DNAH17: variants seen among roughly 807,000 people sequenced by gnomAD.
DNAH17 encodes axonemal beta dynein heavy chain 17.
DNAH17 carries 376 observed loss-of-function variants against 485.6 expected under a neutral mutation model. The observed-to-expected ratio is 0.77, with a 90% CI of 0.71 to 0.84. The LOEUF (loss-of-function observed/expected upper bound fraction) is 0.84, where lower values mean the gene tolerates loss of function less well. Among genes scored for constraint, DNAH17 ranks in the 40% least tolerant of loss-of-function variants. DNAH17 has a pLI of 0.00. For synonymous variants in DNAH17, 3,031 were observed against 2,405.9 expected, an observed-to-expected ratio of 1.26 and a Z score of -7.60; for missense variants, 6,370 against 5,839.3, an observed-to-expected ratio of 1.09 and a Z score of -2.96.
At chr17:78,449,667 T>C in intron 68 of DNAH17, 83 bp from the exon 69 acceptor site, 1 of 1,371,882 alleles carries the variant, frequency 7.3e-7, no homozygotes, top group South Asian at 1.3e-5. Context: ...CTGCCACCTG[T>C]GGTGGCCTCC....
intron 37 of DNAH17, 68 bp downstream of exon 37, chr17:78,498,940 G>C: frequency 8.0e-7 from 1 of 1,246,572 alleles, no homozygotes; most frequent in Non-Finnish European, 1.1e-6. Context: ...TCTGGCGTGT[G>C]AGGTCACAGG....
chr17:78,480,366 A>C (rs1200559622), intron 49 of DNAH17, among the ~76,000 whole-genome samples: 1 of 152,068 alleles, frequency 6.6e-6, no homozygotes. Flanking sequence ...AAACAAAACA[A>C]CAAAAAAAGA....
At chr17:78,525,199 C>T in intron 24 of DNAH17, 38 bp from the exon 25 acceptor site, 1 of 1,598,906 alleles carries the variant, frequency 6.3e-7, no homozygotes, top group South Asian at 1.1e-5. Context: ...GGGCTACCTA[C>T]CCTCAGCGGT....
rs749196307 is a variant in DNAH17, at chr17:78,491,521, G to A, written c.6591C>T (p.Gly2197=). The A allele has an allele frequency of 6.2e-7, 1 of 1,613,942 alleles. No homozygotes were observed. The highest frequency in any genetic ancestry group is 1.1e-5 in the South Asian group (1 of 90,986). ...MRDLANITHD[G]PKWIILDGDI... is the part of the protein sequence containing the mutation. ...CTCCGTCAAGGATGATCCACTTGGGGCCGTCATGGGTGATGTTGGCCAGGT... is the reference window on the plus strand; with the variant it reads ...CTCCGTCAAGGATGATCCACTTGGGACCGTCATGGGTGATGTTGGCCAGGT... Residue 2197 remains glycine (G), a synonymous_variant, in exon 43 of 81, where the codon GGC becomes GGT. Transcript: ENST00000389840.
chr17:78,504,648 T>C (rs539074667), intron 31 of DNAH17, among the ~76,000 whole-genome samples: 57 of 152,222 alleles, frequency 3.7e-4, no homozygotes, highest in Admixed American at 1.5e-3. Context: ...GCTTGATCAA[T>C]AGTTGGGTAA....
At chr17:78,439,868 T>A in intron 72 of DNAH17, among the ~76,000 whole-genome samples, 1 of 151,668 alleles carries the variant, frequency 6.6e-6, no homozygotes, top group East Asian at 1.9e-4. Context: ...TGGGGTTTCA[T>A]CATGTTGGCT....
chr17:78,487,534 AC>A (rs911191688), intron 44 of DNAH17, among the ~76,000 whole-genome samples: 7 of 151,432 alleles, frequency 4.6e-5, no homozygotes, highest in African/African-American at 1.7e-4. Flanking sequence ...TTAGACAGAG[AC>A]TCATTTTTTT....
At chr17:78,472,094 TTAA>T (rs2088778958) in intron 54 of DNAH17, among the ~76,000 whole-genome samples, 1 of 152,186 alleles carries the variant, frequency 6.6e-6, no homozygotes, top group African/African-American at 2.4e-5. Context: ...GGACCAGCCA[TTAA>T]TAAGGGGCAC....
chr17:78,544,084 T>C, intron 16 of DNAH17, 87 bp from the exon 17 acceptor site: 1 of 1,575,010 alleles, frequency 6.3e-7, no homozygotes, highest in Non-Finnish European at 8.7e-7. Flanking sequence ...TTGATGTGAG[T>C]TTCGTCACTG....
chr17:78,452,503 C>T (rs932732558), intron 65 of DNAH17, among the ~76,000 whole-genome samples: 2 of 152,172 alleles, frequency 1.3e-5, no homozygotes, highest in East Asian at 1.9e-4. Flanking sequence ...TTGGGGAGGC[C>T]GAGGCAGGTG....
chr17:78,531,019 G>C (rs2091221166), intron 20 of DNAH17, among the ~76,000 whole-genome samples: 1 of 152,186 alleles, frequency 6.6e-6, no homozygotes, highest in African/African-American at 2.4e-5. Flanking sequence ...CATTCTTTCT[G>C]CAGCTGTTGG....
intron 51 of DNAH17, among the ~76,000 whole-genome samples, chr17:78,478,542 CCAT>C (rs1384139171): frequency 2.0e-5 from 3 of 151,392 alleles, no homozygotes; most frequent in Admixed American, 6.6e-5. Flanking sequence ...ATCATCACCA[CCAT>C]CATGACAATC....
chr17:78,439,277 C>G (rs2086976342), intron 72 of DNAH17, 60 bp from the exon 73 acceptor site: 1 of 1,528,700 alleles, frequency 6.5e-7, no homozygotes, highest in African/African-American at 1.4e-5. Context: ...GGTTCAGGCT[C>G]TGTGATCTAC....
At position 78,439,093 on chromosome 17, in the gene DNAH17, C is replaced by T. The variant is rs1364230194; in HGVS notation, c.11802G>A (p.Leu3934=). 6.2e-7 allele frequency: 1 copy of T among 1,613,186 alleles called. No homozygotes were observed. Among genetic ancestry groups the T allele is most frequent in the East Asian group, 2.2e-5 (1 of 44,880 alleles). The change falls in exon 73 of 81, where the codon CTG becomes CTA. Residue 3934 remains leucine, a synonymous_variant. Transcript: ENST00000389840. ...TGCAGTGCTGGCCCCCTCGTACCTG[C>T]AGAATGACCCAGTGTCCTTTCTCTG... ...VAAEKGHWVI[L]QNIHLVARWL...
chr17:78,473,991 A>G (rs2088894679), intron 54 of DNAH17, among the ~76,000 whole-genome samples: 2 of 152,286 alleles, frequency 1.3e-5, no homozygotes, highest in South Asian at 4.1e-4. Context: ...TTCAAAAAAG[A>G]GCAGGCCGGC....
At position 78,532,749 on chromosome 17, in the gene DNAH17, G is replaced by C; in HGVS notation, c.2860-13C>G. On this transcript the variant is annotated splice_polypyrimidine_tract_variant and intron_variant, in intron 19 of 80. Coordinates refer to ENST00000389840, the MANE Select transcript of DNAH17 (RefSeq NM_173628.4). ...CTTCCAGGTCCATCTGAAAGGGGCA[G>C]GGGAGAAGCAAAAAGGGGAGGTATG... The C allele has an allele frequency of 6.3e-7, 1 of 1,577,868 alleles. No individual in the cohort carries two copies. Among genetic ancestry groups the C allele is most frequent in the Non-Finnish European group, 8.6e-7 (1 of 1,160,252 alleles).
At chr17:78,460,062 C>A (rs531838102) in intron 59 of DNAH17, 61 bp from the exon 60 acceptor site, 3 of 1,595,940 alleles carry the variant, frequency 1.9e-6, no homozygotes, top group South Asian at 1.1e-5. Flanking sequence ...GGTGATGCCC[C>A]GAAGAAGCCG....
chr17:78,483,146 G>A (rs2089424633), intron 48 of DNAH17, among the ~76,000 whole-genome samples: 1 of 152,108 alleles, frequency 6.6e-6, no homozygotes, highest in Admixed American at 6.6e-5. Context: ...CTCCTCAAAT[G>A]ATGTCAAACT....
chr17:78,434,104 C>A lies in DNAH17; in HGVS notation c.12150G>T (p.Arg4050=). Residue 4050 remains arginine, a synonymous_variant, in exon 75 of 81, where the codon CGG becomes CGT. Transcript: ENST00000389840. ...RRKFGAQGWN[R]SYPFNNGDLT... ...GGTCCCCGTTGTTGAAGGGGTACGA[C>A]CGGTTCCAGCCCTGGGCGCCGAACT... 6.2e-7 allele frequency: 1 copy of A among 1,613,644 alleles called. No homozygotes were observed.
Sources: gnomAD v4.1 joint callset for allele counts (sites outside exome capture counted in the v4.1 genomes callset) on GRCh38, gnomAD v4.1.1 for gene constraint, MANE v1.5 for transcripts, NCBI Gene and HGNC (gene_info 2026-07-23, HGNC 2026-07-21) for gene names.